The following WDPCP variants were observed in gnomAD, a reference collection of about 807,000 sequenced individuals.
WDPCP encodes the protein WD repeat containing planar cell polarity effector.
In WDPCP, 71 loss-of-function variants were observed where a neutral mutation model predicts 93.1. The observed-to-expected ratio is 0.76, with a 90% confidence interval of 0.63 to 0.93. WDPCP has a LOEUF of 0.93. Among genes scored for constraint, WDPCP ranks in the 40% least tolerant of loss-of-function variants. The pLI is 0.00. For missense variants in WDPCP, 844 were observed against 887.4 expected (o/e 0.95, Z 0.62); for synonymous variants, 315 against 315.0 (o/e 1.00, Z 0.00).
intron 14 of WDPCP, among the ~76,000 whole-genome samples, chr2:63,189,148 C>T (rs945591901): frequency 1.3e-5 from 2 of 152,164 alleles, no homozygotes; most frequent in Non-Finnish European, 2.9e-5. Context: ...CCTGCAGAAC[C>T]GCAGAGTCTC....
intron 1 of WDPCP, among the ~76,000 whole-genome samples, chr2:63,545,865 A>T (rs1705119052): frequency 6.6e-6 from 1 of 152,008 alleles, no homozygotes; most frequent in Admixed American, 6.6e-5. Context: ...TTTAAAAAAA[A>T]AAAAAAAAAA....
intron 9 of WDPCP, among the ~76,000 whole-genome samples, chr2:63,416,649 G>A (rs1351233333): frequency 5.3e-5 from 8 of 151,396 alleles, no homozygotes; most frequent in African/African-American, 9.7e-5. Flanking sequence ...TCAGCCTCCC[G>A]AGTAGCTGGG....
chr2:63,472,438 ACC>A (rs1699749296), intron 6 of WDPCP, among the ~76,000 whole-genome samples: 1 of 151,200 alleles, frequency 6.6e-6, no homozygotes, highest in Non-Finnish European at 1.5e-5. Context: ...ATCTCCTATC[ACC>A]TTTGGTTCAT....
chr2:63,154,067 TTATG>T, intron 15 of WDPCP, among the ~76,000 whole-genome samples: 1 of 148,032 alleles, frequency 6.8e-6, no homozygotes, highest in Admixed American at 6.6e-5. Flanking sequence ...CTACTTATTA[TTATG>T]TATCTTTTAA....
intron 1 of WDPCP, among the ~76,000 whole-genome samples, chr2:63,504,596 C>T (rs557524887): frequency 6.6e-6 from 1 of 152,058 alleles, no homozygotes; most frequent in Non-Finnish European, 1.5e-5. Flanking sequence ...ATTATCTGTG[C>T]AGTGCTCTTT....
intron 13 of WDPCP, among the ~76,000 whole-genome samples, chr2:63,294,508 G>GAAA (rs59228476): frequency 8.3e-5 from 4 of 48,314 alleles, no homozygotes; most frequent in Non-Finnish European, 1.4e-4. Flanking sequence ...AGACTGTTTC[G>GAAA]AAAAAAAAAA....
rs553161578 is a variant in WDPCP at position 63,601,746 on chromosome 2, G to A, written n.488+48913C>T. ...AGCCAAGGAGGACTGAGGGTGGAGA[G>A]GCCTAGAGGCATTTTGTCTTCACTG... On this transcript the variant is annotated intron_variant and non_coding_transcript_variant, in intron 3 of 4. Transcript: ENST00000467687. Among the ~76,000 whole-genome samples the A allele has an allele frequency of 9.2e-5, 14 of 152,262 alleles. No individual in the cohort carries two copies. In the East Asian group the frequency reaches 2.7e-3, roughly 29 times the overall value.
chr2:63,271,959 A>T (rs1046003473), intron 13 of WDPCP, among the ~76,000 whole-genome samples: 1 of 151,962 alleles, frequency 6.6e-6, no homozygotes, highest in Non-Finnish European at 1.5e-5. Context: ...CTAACATCAT[A>T]CATGCTGCCC....
At chr2:63,415,001 C>T (rs1044046754) in intron 9 of WDPCP, among the ~76,000 whole-genome samples, 1 of 152,098 alleles carries the variant, frequency 6.6e-6, no homozygotes, top group Non-Finnish European at 1.5e-5. Context: ...ACTAACTGTC[C>T]ACGTAATGAT....
chr2:63,287,932 G>A (rs1281016066), intron 13 of WDPCP, among the ~76,000 whole-genome samples: 1 of 152,180 alleles, frequency 6.6e-6, no homozygotes, highest in Admixed American at 6.5e-5. Context: ...TAAATGGTAA[G>A]TCTTGTTTCA....
intron 14 of WDPCP, among the ~76,000 whole-genome samples, chr2:63,179,505 C>A (rs963201008): frequency 6.6e-6 from 1 of 151,930 alleles, no homozygotes; most frequent in African/African-American, 2.4e-5. Context: ...CCTTCTCCAG[C>A]CTTCCCTTGC....
At chr2:63,469,722 A>G (rs1481767683) in intron 6 of WDPCP, among the ~76,000 whole-genome samples, 1 of 152,166 alleles carries the variant, frequency 6.6e-6, no homozygotes, top group African/African-American at 2.4e-5. Context: ...GAGGTGGGAG[A>G]GGAGCAAAAG....
intron 2 of WDPCP, among the ~76,000 whole-genome samples, chr2:63,667,285 G>A (rs1175855620): frequency 6.6e-6 from 1 of 152,130 alleles, no homozygotes; most frequent in Non-Finnish European, 1.5e-5. Flanking sequence ...TTCGCCATGG[G>A]GTGAGGCTGG....
At chr2:63,417,323 A>G (rs1212568220) in intron 9 of WDPCP, among the ~76,000 whole-genome samples, 1 of 152,226 alleles carries the variant, frequency 6.6e-6, no homozygotes, top group African/African-American at 2.4e-5. Flanking sequence ...CATTTAATTG[A>G]TTTATGAAAT....
intron 1 of WDPCP, among the ~76,000 whole-genome samples, chr2:63,558,300 C>T (rs6546016): frequency 0.78 from 119,098 of 151,938 alleles, 47,077 homozygotes; most frequent in East Asian, 0.98. Flanking sequence ...GAGGGTGAGG[C>T]GGGCAGATCT....
intron 6 of WDPCP, among the ~76,000 whole-genome samples, chr2:63,470,764 T>G (rs1363850171): frequency 6.6e-6 from 1 of 152,192 alleles, no homozygotes; most frequent in Admixed American, 6.5e-5. Context: ...CTAGAAGACA[T>G]ATAACTAGTG....
At chr2:63,153,129 T>C in intron 16 of WDPCP, 184 bp from the exon 17 acceptor site, 1 of 610,908 alleles carries the variant, frequency 1.6e-6, no homozygotes, top group South Asian at 2.0e-5. Flanking sequence ...TTCATATATA[T>C]GTGTATGGCT....
chr2:63,452,484 G>C (rs1698321372), intron 6 of WDPCP, among the ~76,000 whole-genome samples: 1 of 152,164 alleles, frequency 6.6e-6, no homozygotes, highest in Non-Finnish European at 1.5e-5. Context: ...TCATGGACAG[G>C]AAGAATCAAT....
chr2:63,394,309 G>GA (rs907541054), intron 10 of WDPCP, among the ~76,000 whole-genome samples: 1 of 151,810 alleles, frequency 6.6e-6, no homozygotes, highest in African/African-American at 2.4e-5. Flanking sequence ...AATTATCAGA[G>GA]AAATGCAAAT....
Sources: gnomAD v4.1 joint callset for allele counts (sites outside exome capture counted in the v4.1 genomes callset) on GRCh38, gnomAD v4.1.1 for gene constraint, MANE v1.5 for transcripts, NCBI Gene and HGNC (gene_info 2026-07-23, HGNC 2026-07-21) for gene names.